Variants in GPR158 observed in about 807,000 individuals in gnomAD.
GPR158 encodes the protein G protein-coupled receptor 158.
A neutral mutation model predicts 78.2 loss-of-function variants in GPR158; 30 were observed. That is an observed-to-expected ratio of 0.38 (90% CI 0.29 to 0.52). GPR158 has a LOEUF of 0.52. Ranked by LOEUF, GPR158 falls within the 20% of genes least tolerant of loss-of-function variation. The pLI, the probability that GPR158 is intolerant of heterozygous loss-of-function variation, is 0.83. For synonymous variants in GPR158, 581 were observed against 591.1 expected, an observed-to-expected ratio of 0.98 and a Z score of 0.25; for missense variants, 1,463 against 1,523.5, an observed-to-expected ratio of 0.96 and a Z score of 0.66.
chr10:25,564,314 G>A (rs1349549662), intron 6 of GPR158, among the ~76,000 whole-genome samples: 1 of 152,160 alleles, frequency 6.6e-6, no homozygotes, highest in Non-Finnish European at 1.5e-5. Flanking sequence ...TTGTGAGAAT[G>A]TTCCAGGCTT....
chr10:25,502,375 C>T (rs1402039626), intron 5 of GPR158, among the ~76,000 whole-genome samples: 2 of 152,134 alleles, frequency 1.3e-5, no homozygotes, highest in Non-Finnish European at 2.9e-5. Context: ...TCATCCTGTA[C>T]ACGGTGAACT....
intron 5 of GPR158, among the ~76,000 whole-genome samples, chr10:25,542,009 A>T (rs1286026850): frequency 6.8e-6 from 1 of 148,108 alleles, no homozygotes; most frequent in Admixed American, 6.7e-5. Flanking sequence ...TAAATTATAA[A>T]GTCGTTAAAG....
intron 7 of GPR158, among the ~76,000 whole-genome samples, chr10:25,576,030 T>C (rs1024350292): frequency 1.2e-4 from 18 of 151,572 alleles, no homozygotes; most frequent in African/African-American, 4.1e-4. Flanking sequence ...AAGTCATTCA[T>C]TGAAGACATT....
intron 5 of GPR158, among the ~76,000 whole-genome samples, chr10:25,517,155 T>G (rs1329943583): frequency 6.8e-6 from 1 of 146,578 alleles, no homozygotes; most frequent in Non-Finnish European, 1.5e-5. Flanking sequence ...AGTTCACTCA[T>G]GATTTGGCTC....
At chr10:25,316,131 T>C (rs1330016689) in intron 2 of GPR158, among the ~76,000 whole-genome samples, 1 of 152,200 alleles carries the variant, frequency 6.6e-6, no homozygotes. Flanking sequence ...TAGTAACTTA[T>C]TTGGTCTTTT....
chr10:25,340,079 T>A (rs1855279874), intron 2 of GPR158, among the ~76,000 whole-genome samples: 1 of 152,066 alleles, frequency 6.6e-6, no homozygotes, highest in Admixed American at 6.6e-5. Context: ...CTGATTAAGC[T>A]CTAGGCCAGC....
chr10:25,560,124 C>T (rs7087655), intron 6 of GPR158, among the ~76,000 whole-genome samples: 17,270 of 152,140 alleles, frequency 0.11, 1,976 homozygotes, highest in African/African-American at 0.29. Context: ...AGCAGTCAAA[C>T]TCAGCAACTG....
chr10:25,455,393 A>G (rs1488192703), intron 4 of GPR158, among the ~76,000 whole-genome samples: 3 of 152,042 alleles, frequency 2.0e-5, no homozygotes, highest in Admixed American at 1.3e-4. Context: ...ATATTATAAA[A>G]CTTTTTTTTC....
chr10:25,422,919 G>A (rs1834771313), intron 4 of GPR158, among the ~76,000 whole-genome samples: 1 of 137,346 alleles, frequency 7.3e-6, no homozygotes, highest in South Asian at 2.3e-4. Flanking sequence ...CGTCCTCATA[G>A]CTCAGCTCCC....
intron 2 of GPR158, among the ~76,000 whole-genome samples, chr10:25,278,725 ATAAT>A (rs1379517082): frequency 2.6e-5 from 4 of 151,598 alleles, no homozygotes; most frequent in Non-Finnish European, 4.4e-5. Flanking sequence ...TGCTGACAAA[ATAAT>A]TAAAATTAAT....
chr10:25,264,239 A>AT (rs1165941428), intron 2 of GPR158, among the ~76,000 whole-genome samples: 1 of 152,162 alleles, frequency 6.6e-6, no homozygotes, highest in Non-Finnish European at 1.5e-5. Context: ...GATGCTGCAC[A>AT]TCTCCCAAGG....
intron 3 of GPR158, among the ~76,000 whole-genome samples, chr10:25,410,844 T>C (rs1834573561): frequency 6.6e-6 from 1 of 152,146 alleles, no homozygotes; most frequent in African/African-American, 2.4e-5. Flanking sequence ...AAATATTCAA[T>C]TATGCTTTTG....
chr10:25,360,996 A>C (rs981047453), intron 2 of GPR158, among the ~76,000 whole-genome samples: 1 of 151,582 alleles, frequency 6.6e-6, no homozygotes, highest in African/African-American at 2.4e-5. Flanking sequence ...TAAGTGCGTT[A>C]ATTATATTCA....
chr10:25,285,255 CCTT>C (rs999782864), intron 2 of GPR158, among the ~76,000 whole-genome samples: 4 of 150,874 alleles, frequency 2.7e-5, no homozygotes, highest in African/African-American at 7.5e-5. Flanking sequence ...CTTTCTTTCT[CCTT>C]CTCTCTCTCT....
intron 2 of GPR158, among the ~76,000 whole-genome samples, chr10:25,228,084 G>A (rs994579521): frequency 6.6e-6 from 1 of 151,946 alleles, no homozygotes; most frequent in Non-Finnish European, 1.5e-5. Flanking sequence ...TTAAGCCTGG[G>A]GAACATAGCG....
chr10:25,486,226 C>A (rs1835733255), intron 5 of GPR158, among the ~76,000 whole-genome samples: 1 of 152,128 alleles, frequency 6.6e-6, no homozygotes, highest in South Asian at 2.1e-4. Context: ...CTAATTCAAA[C>A]CCTACTTTCA....
At chr10:25,323,945 T>C (rs898349170) in intron 2 of GPR158, among the ~76,000 whole-genome samples, 2 of 152,236 alleles carry the variant, frequency 1.3e-5, no homozygotes, top group Admixed American at 1.3e-4. Flanking sequence ...TCTGCTATCC[T>C]CCAACTTTTC....
intron 1 of GPR158, among the ~76,000 whole-genome samples, chr10:25,197,442 CTG>C (rs1437345528): frequency 2.6e-5 from 4 of 152,048 alleles, no homozygotes; most frequent in Non-Finnish European, 4.4e-5. Flanking sequence ...ATTTAAAAGT[CTG>C]TGTAAATTAT....
intron 3 of GPR158, among the ~76,000 whole-genome samples, chr10:25,401,404 A>G (rs957385317): frequency 4.3e-4 from 66 of 151,944 alleles, no homozygotes; most frequent in African/African-American, 1.3e-3. Flanking sequence ...AATTTGCTCA[A>G]TTTTCATATA....
Sources: gnomAD v4.1 joint callset for allele counts (sites outside exome capture counted in the v4.1 genomes callset) on GRCh38, gnomAD v4.1.1 for gene constraint, MANE v1.5 for transcripts, NCBI Gene and HGNC (gene_info 2026-07-23, HGNC 2026-07-21) for gene names.